The following ESR1 variants were observed in gnomAD, a reference collection of about 807,000 sequenced individuals.
ESR1 encodes estrogen receptor 1.
In ESR1, 12 loss-of-function variants were observed where a neutral mutation model predicts 52.7. That is an observed-to-expected ratio of 0.23 (90% confidence interval 0.15 to 0.37). The LOEUF (loss-of-function observed/expected upper bound fraction) is 0.37. Ranked by LOEUF, ESR1 falls within the 10% of genes least tolerant of loss-of-function variation. The probability of loss-of-function intolerance (pLI) is 1.00; values close to 1 mark genes in which losing one functional copy is unlikely to be tolerated. For missense variants in ESR1, 584 were observed against 779.7 expected (o/e 0.75, Z 2.99); for synonymous variants, 305 against 316.8 (o/e 0.96, Z 0.39).
intron 7 of ESR1, among the ~76,000 whole-genome samples, chr6:152,095,819 A>G (rs148414216): frequency 2.9e-4 from 44 of 152,102 alleles, no homozygotes; most frequent in African/African-American, 1.1e-3. Context: ...TAGACTGACA[A>G]CTCTGTGAGC....
intron 1 of ESR1, among the ~76,000 whole-genome samples, chr6:151,828,923 C>A (rs953876291): frequency 6.6e-6 from 1 of 152,148 alleles, no homozygotes; most frequent in Non-Finnish European, 1.5e-5. Flanking sequence ...GGATAGGGTG[C>A]TCTTTGACCT....
At chr6:151,763,548 A>G (rs898351350) in intron 2 of ESR1, among the ~76,000 whole-genome samples, 1 of 152,166 alleles carries the variant, frequency 6.6e-6, no homozygotes, top group Non-Finnish European at 1.5e-5. Flanking sequence ...GGTGTTAGTC[A>G]GGGATTACTG....
At chr6:152,031,392 C>A (rs566609673) in intron 5 of ESR1, among the ~76,000 whole-genome samples, 38 of 152,068 alleles carry the variant, frequency 2.5e-4, no homozygotes, top group African/African-American at 8.2e-4. Context: ...AGACTGCTAG[C>A]ATGACTAATA....
At chr6:151,746,006 C>G (rs1486957219) in intron 2 of ESR1, among the ~76,000 whole-genome samples, 1 of 152,168 alleles carries the variant, frequency 6.6e-6, no homozygotes, top group Non-Finnish European at 1.5e-5. Context: ...ACAAGGTCCT[C>G]AAGGTTCATC....
At chr6:151,832,169 T>A (rs1583536844) in intron 1 of ESR1, among the ~76,000 whole-genome samples, 2 of 152,198 alleles carry the variant, frequency 1.3e-5, no homozygotes, top group East Asian at 3.9e-4. Flanking sequence ...GAGTAATTTG[T>A]AAAAAGTTGG....
Position 152,101,959 on chromosome 6 carries a change from T to G in ESR1, c.*2993T>G. The G allele has an allele frequency of 4.7e-6, 1 of 213,980 alleles. No individual in the cohort carries two copies. Among genetic ancestry groups the G allele is most frequent in the Non-Finnish European group, 9.5e-6 (1 of 105,646 alleles). The allele number at this position is 213,980 out of a possible 1,614,324, so 13.3% of individuals were successfully genotyped here. A position where few individuals can be genotyped will look rare whatever the true frequency, so the allele number is the denominator to read the frequency against. ...AACATCAGCAGTAAAGTCCATGGAA[T>G]AGCTAGTGGTCTGTGTTTCTTTTCG... On this transcript the variant is annotated 3_prime_UTR_variant, in exon 8 of 8. Transcript: ENST00000206249.
chr6:151,997,745 C>T (rs138846075), intron 4 of ESR1, among the ~76,000 whole-genome samples: 321 of 152,190 alleles, frequency 2.1e-3, no homozygotes, highest in African/African-American at 7.4e-3. Context: ...TGATAGAGTT[C>T]AAACTTTAAA....
chr6:151,901,264 A>G (rs1796641513), intron 3 of ESR1, among the ~76,000 whole-genome samples: 1 of 152,058 alleles, frequency 6.6e-6, no homozygotes. Flanking sequence ...CTCCCTTGCA[A>G]CCCCCAAAAC....
intron 1 of ESR1, among the ~76,000 whole-genome samples, chr6:151,666,247 C>T (rs1031032962): frequency 2.6e-5 from 4 of 152,164 alleles, no homozygotes; most frequent in Admixed American, 2.0e-4. Flanking sequence ...GACACTGACC[C>T]TCTTTTTCAG....
chr6:151,919,982 A>G (rs1369039836), intron 3 of ESR1, among the ~76,000 whole-genome samples: 1 of 152,190 alleles, frequency 6.6e-6, no homozygotes, highest in Non-Finnish European at 1.5e-5. Context: ...TTACCCAATT[A>G]CCAAAGCTTA....
chr6:151,740,094 T>C (rs1238385873), intron 2 of ESR1, among the ~76,000 whole-genome samples: 1 of 151,996 alleles, frequency 6.6e-6, no homozygotes, highest in Non-Finnish European at 1.5e-5. Flanking sequence ...GATCTTTCCA[T>C]TTTCTGCCAC....
At chr6:151,926,823 A>C (rs2032826765) in intron 3 of ESR1, among the ~76,000 whole-genome samples, 1 of 152,062 alleles carries the variant, frequency 6.6e-6, no homozygotes, top group Middle Eastern at 3.2e-3. Flanking sequence ...CTTCCTTCCC[A>C]ATCTATATAT....
chr6:151,900,594 G>T (rs919501101), intron 3 of ESR1, among the ~76,000 whole-genome samples: 2 of 152,142 alleles, frequency 1.3e-5, no homozygotes, highest in African/African-American at 4.8e-5. Flanking sequence ...AAGTACTAGG[G>T]CTCAAGGCTG....
chr6:151,915,847 T>C (rs77201333), intron 3 of ESR1, among the ~76,000 whole-genome samples: 7 of 149,016 alleles, frequency 4.7e-5, no homozygotes, highest in African/African-American at 7.4e-5. Flanking sequence ...CTTTCTCTCT[T>C]TCTCTCTCTC....
intron 1 of ESR1, among the ~76,000 whole-genome samples, chr6:151,820,387 A>G (rs747883989): frequency 1.8e-4 from 27 of 152,216 alleles, no homozygotes; most frequent in Non-Finnish European, 2.4e-4. Context: ...TTTGAACACC[A>G]TGTACCCAGG....
chr6:151,776,042 A>G (rs1785957372), intron 2 of ESR1, among the ~76,000 whole-genome samples: 1 of 152,200 alleles, frequency 6.6e-6, no homozygotes. Context: ...AGAGAAGAAT[A>G]TAGGAAATGG....
chr6:151,923,143 C>G (rs955384094), intron 3 of ESR1, among the ~76,000 whole-genome samples: 2 of 152,186 alleles, frequency 1.3e-5, no homozygotes, highest in Non-Finnish European at 2.9e-5. Flanking sequence ...TGCCTTTATT[C>G]TAACAGATTC....
At chr6:151,709,048 G>C (rs117299414) in intron 2 of ESR1, among the ~76,000 whole-genome samples, 1 of 152,136 alleles carries the variant, frequency 6.6e-6, no homozygotes, top group East Asian at 1.9e-4. Flanking sequence ...ATGTTGTACA[G>C]TGGATCTCTT....
intron 3 of ESR1, among the ~76,000 whole-genome samples, chr6:151,937,353 G>A (rs1027082606): frequency 2.6e-5 from 4 of 152,172 alleles, no homozygotes; most frequent in Non-Finnish European, 5.9e-5. Flanking sequence ...AGTTTTCAGA[G>A]TATAGTTAAT....
Sources: allele counts gnomAD v4.1 joint callset (sites outside exome capture counted in the v4.1 genomes callset), GRCh38; gene constraint gnomAD v4.1.1; transcripts MANE v1.5; gene names NCBI Gene and HGNC (gene_info 2026-07-23, HGNC 2026-07-21).